FBXO8: variants seen among roughly 807,000 people sequenced by gnomAD.
FBXO8 encodes F-box only protein 8.
In FBXO8, 15 loss-of-function variants were observed where a neutral mutation model predicts 33.4. The observed-to-expected ratio is 0.45, with a 90% confidence interval of 0.30 to 0.69. The LOEUF (loss-of-function observed/expected upper bound fraction) is 0.69. Among genes scored for constraint, FBXO8 ranks in the 30% least tolerant of loss-of-function variants. FBXO8 has a pLI of 0.08. For synonymous variants in FBXO8, 132 were observed against 131.5 expected (o/e 1.00, Z -0.02); for missense variants, 274 against 380.3 (o/e 0.72, Z 2.32).
In FBXO8 at chr4:174,237,255, C is replaced by G. The variant is rs141434080; in HGVS notation, c.*157G>C. Reference sequence around the variant, plus strand: ...ATTATTTAGTTCCCCAAGGAAATTACTAAAATAGAAAATGGCAAAAGAAAA... The same window carrying G: ...ATTATTTAGTTCCCCAAGGAAATTAGTAAAATAGAAAATGGCAAAAGAAAA... On this transcript the variant is annotated 3_prime_UTR_variant, in exon 6 of 6. Coordinates refer to ENST00000393674, the MANE Select transcript of FBXO8 (RefSeq NM_012180.3). This position sits in a 1 kb window ranked among gnomAD's most constrained non-coding sequence, Gnocchi z 4.4. The G allele has an allele frequency of 7.2e-3, 4,201 of 580,326 alleles. 39 individuals carry two copies. Among genetic ancestry groups the G allele is most frequent in the Middle Eastern group, 0.045 (111 of 2,442 alleles). The allele number at this position is 580,326 out of a possible 1,614,324, so 35.9% of individuals were successfully genotyped here. A position where few individuals can be genotyped will look rare whatever the true frequency, so the allele number is the denominator to read the frequency against.
rs936269313 is a variant in FBXO8, at chr4:174,265,791, A to T, written c.-8-2691T>A. Among the ~76,000 whole-genome samples the T allele has an allele frequency of 6.6e-6, 1 of 152,208 alleles. No homozygotes were observed. Among genetic ancestry groups the T allele is most frequent in the Non-Finnish European group, 1.5e-5 (1 of 68,030 alleles). On this transcript the variant is annotated intron_variant, in intron 1 of 5. Transcript: ENST00000393674. The surrounding 1 kb of genome is among the most constrained non-coding windows in gnomAD (Gnocchi z 4.7). ...ACATTAAGTACAACTTAATTTTGAC[A>T]CAAATTGAACATTTTAAGTCTACTA...
At chr4:174,282,274 T>C (rs1737118170) in intron 1 of FBXO8, among the ~76,000 whole-genome samples, 1 of 152,204 alleles carries the variant, frequency 6.6e-6, no homozygotes. Flanking sequence ...AAGTAATTGA[T>C]CCAAGGGCCC....
chr4:174,237,668 A>G lies in FBXO8; in HGVS notation c.773-69T>C. The stretch of plus-strand genomic sequence containing the variant: ...AAATATGATTCCAATGGCATTATAT[A>G]AGGCAAAAATGTTCATAATTTCAAG... On this transcript the variant is annotated intron_variant, in intron 5 of 5. Coordinates refer to ENST00000393674, the MANE Select transcript of FBXO8 (RefSeq NM_012180.3). This position sits in a 1 kb window ranked among gnomAD's most constrained non-coding sequence, Gnocchi z 4.4. 3 of 1,278,242 alleles carry G rather than the reference A, an allele frequency of 2.3e-6. No individual in the cohort carries two copies. Among genetic ancestry groups the G allele is most frequent in the Non-Finnish European group, 3.2e-6 (3 of 926,268 alleles). 79.2% of individuals were successfully genotyped at this position (1,278,242 alleles called of 1,614,324 possible). A position where few individuals can be genotyped will look rare whatever the true frequency, so the allele number is the denominator to read the frequency against.
Position 174,256,915 on chromosome 4 carries a change from T to TAA in FBXO8, c.456+2782_456+2783dup, listed in dbSNP as rs796891512. Among the ~76,000 whole-genome samples the TAA allele has an allele frequency of 7.0e-6, 1 of 142,224 alleles. No individual in the cohort carries two copies. Among genetic ancestry groups the TAA allele is most frequent in the African/African-American group, 2.6e-5 (1 of 38,566 alleles). 93.3% of individuals were successfully genotyped at this position (142,224 alleles called of 152,430 possible). Reference sequence around the variant, plus strand: ...AGTATCTTTAAATCAGGCCAGGGAGTAAAAAAAAAAGAAAATACAGCCAAC... The same window carrying TAA: ...AGTATCTTTAAATCAGGCCAGGGAGTAAAAAAAAAAAAGAAAATACAGCCAAC... On this transcript the variant is annotated intron_variant, in intron 3 of 5. Transcript: ENST00000393674. The surrounding 1 kb of genome is among the most constrained non-coding windows in gnomAD (Gnocchi z 4.6).
chr4:174,282,516 G>A (rs1737135003), intron 1 of FBXO8, among the ~76,000 whole-genome samples: 1 of 152,238 alleles, frequency 6.6e-6, no homozygotes, highest in East Asian at 1.9e-4. Context: ...TAAAACTTAT[G>A]CATTCTTTAT....
rs75977331 is a variant in FBXO8 at position 174,248,580 on chromosome 4, G to C, written c.457-7362C>G. On this transcript the variant is annotated intron_variant, in intron 3 of 5. Coordinates refer to ENST00000393674, the MANE Select transcript of FBXO8 (RefSeq NM_012180.3). ...GCACACACTGTCCACACTGAAGTGG[G>C]AGAATTAACAGCTGTGAAGAGAGAG... is the stretch of plus-strand genomic sequence containing the variant. 1.7e-3 allele frequency among the ~76,000 whole-genome samples: 263 copies of C among 152,184 alleles called. 5 individuals carry two copies. In the East Asian group the frequency reaches 0.039, roughly 23 times the overall value.
At chr4:174,276,723 A>AT (rs1290010871) in intron 1 of FBXO8, among the ~76,000 whole-genome samples, 10 of 152,144 alleles carry the variant, frequency 6.6e-5, no homozygotes, top group Non-Finnish European at 1.3e-4. Flanking sequence ...TAAAACTGAA[A>AT]TCTCTAAAGT....
At chr4:174,268,880 A>T (rs1319868844) in intron 1 of FBXO8, among the ~76,000 whole-genome samples, 1 of 152,244 alleles carries the variant, frequency 6.6e-6, no homozygotes, top group Non-Finnish European at 1.5e-5. Flanking sequence ...GCGAATGTGC[A>T]CCTTGAACAA....
Position 174,241,289 on chromosome 4 carries a change from GCACAA to G in FBXO8, c.457-76_457-72del. The G allele has an allele frequency of 1.2e-6, 1 of 812,204 alleles. No homozygotes were observed. The highest frequency in any genetic ancestry group is 2.0e-6 in the Non-Finnish European group (1 of 495,012). 50.3% of individuals were successfully genotyped at this position (812,204 alleles called of 1,614,324 possible). ...TATGCATTTTAACAATTAAGCAATA[GCACAA>G]CAGTAGCTATAAATTCTTTCCAGCA... is the stretch of plus-strand genomic sequence containing the variant. On this transcript the variant is annotated intron_variant, in intron 3 of 5. Transcript: ENST00000393674. This position sits in a 1 kb window ranked among gnomAD's most constrained non-coding sequence, Gnocchi z 4.2.
rs1446816265 is a variant in FBXO8, at chr4:174,263,462, T to C, written c.-8-362A>G. Among the ~76,000 whole-genome samples, 3 of 152,190 alleles carry C rather than the reference T, an allele frequency of 2.0e-5. No homozygotes were observed. The highest frequency in any genetic ancestry group is 4.4e-5 in the Non-Finnish European group (3 of 68,020). On this transcript the variant is annotated intron_variant, in intron 1 of 5. Coordinates refer to ENST00000393674, the MANE Select transcript of FBXO8 (RefSeq NM_012180.3). The surrounding 1 kb of genome is among the most constrained non-coding windows in gnomAD (Gnocchi z 4.2). ...TATGGGCCAGTATTAAATACAGCTC[T>C]GATCAGAGCACGGACTTTAGTTAAA...
chr4:174,250,130 T>G (rs1736253107), intron 3 of FBXO8, among the ~76,000 whole-genome samples: 1 of 152,040 alleles, frequency 6.6e-6, no homozygotes. Flanking sequence ...ACAAGAACAC[T>G]GTTATAAGTA....
rs1736906886 is a variant in FBXO8, at chr4:174,274,427, G to A, written c.-9+8983C>T. On this transcript the variant is annotated intron_variant, in intron 1 of 5. Transcript: ENST00000393674. The surrounding 1 kb of genome is among the most constrained non-coding windows in gnomAD (Gnocchi z 4.0). ...CTCTTTAAATGATAACTATTATTTT[G>A]GTTCCTTCATTTCAAATACACCTGA... Among the ~76,000 whole-genome samples the A allele has an allele frequency of 6.6e-6, 1 of 152,078 alleles. No homozygotes were observed. Among genetic ancestry groups the A allele is most frequent in the South Asian group, 2.1e-4 (1 of 4,820 alleles).
At position 174,236,827 on chromosome 4, in the gene FBXO8, T is replaced by G. The variant is rs1045713361; in HGVS notation, c.*585A>C. 6.6e-6 allele frequency: 1 copy of G among 152,036 alleles called. No individual in the cohort carries two copies. The highest frequency in any genetic ancestry group is 1.5e-5 in the Non-Finnish European group (1 of 67,984). 9.4% of individuals were successfully genotyped at this position (152,036 alleles called of 1,614,324 possible). ...TATATTATAAAAATAACTGCCAGTT[T>G]TGCATAGTAATATAGTAACAAATCA... On this transcript the variant is annotated 3_prime_UTR_variant, in exon 6 of 6. Transcript: ENST00000393674.
In FBXO8 at chr4:174,271,789, T is replaced by G. The variant is rs528108889; in HGVS notation, c.-8-8689A>C. Reference sequence around the variant, plus strand: ...AGCATTAAAATGTGGCTGAAACACTTGCATAGCAATTACTTGATTTATTTT... The same window carrying G: ...AGCATTAAAATGTGGCTGAAACACTGGCATAGCAATTACTTGATTTATTTT... On this transcript the variant is annotated intron_variant, in intron 1 of 5. Coordinates refer to ENST00000393674, the MANE Select transcript of FBXO8 (RefSeq NM_012180.3). Among the ~76,000 whole-genome samples the G allele has an allele frequency of 5.8e-4, 89 of 152,346 alleles. No individual in the cohort carries two copies. In the South Asian group the frequency reaches 0.017, roughly 29 times the overall value.
At chr4:174,244,342 G>A (rs1440971489) in intron 3 of FBXO8, among the ~76,000 whole-genome samples, 1 of 151,638 alleles carries the variant, frequency 6.6e-6, no homozygotes, top group Non-Finnish European at 1.5e-5. Context: ...ACCACATAAG[G>A]AAGGGAATGC....
At chr4:174,260,032 A>G (rs1181967465) in intron 2 of FBXO8, among the ~76,000 whole-genome samples, 6 of 152,068 alleles carry the variant, frequency 3.9e-5, no homozygotes, top group Non-Finnish European at 7.4e-5. Context: ...ACAGCATCTA[A>G]TAAATGTGAG....
At position 174,237,800 on chromosome 4, in the gene FBXO8, G is replaced by A. The variant is rs928746793; in HGVS notation, c.773-201C>T. ...CTGTCATCCTGGGAAACTCAATCCT[G>A]AGCAAACCAGGATGGTTATCATCCT... On this transcript the variant is annotated intron_variant, in intron 5 of 5. Transcript: ENST00000393674. The surrounding 1 kb of genome is among the most constrained non-coding windows in gnomAD (Gnocchi z 4.4). 7.9e-5 allele frequency among the ~76,000 whole-genome samples: 12 copies of A among 151,992 alleles called. No individual in the cohort carries two copies. Among genetic ancestry groups the A allele is most frequent in the Non-Finnish European group, 7.4e-5 (5 of 67,946 alleles).
At position 174,254,177 on chromosome 4, in the gene FBXO8, A is replaced by G. The variant is rs146798361; in HGVS notation, c.456+5522T>C. 1.2e-4 allele frequency among the ~76,000 whole-genome samples: 18 copies of G among 152,326 alleles called. No homozygotes were observed. The East Asian group carries it at 3.1e-3, about 26-fold the overall frequency. ...CATAATGAAGGGTGCTGAGAACTCA[A>G]TTCTTCCTAGCTAGATCTTAGTTTA... On this transcript the variant is annotated intron_variant, in intron 3 of 5. Transcript: ENST00000393674. This position sits in a 1 kb window ranked among gnomAD's most constrained non-coding sequence, Gnocchi z 4.2.
chr4:174,242,867 T>A (rs569113544), intron 3 of FBXO8, among the ~76,000 whole-genome samples: 2 of 151,680 alleles, frequency 1.3e-5, no homozygotes, highest in African/African-American at 4.8e-5. Flanking sequence ...GATAACAATA[T>A]TTTAGAATTA....
Sources: gnomAD v4.1 joint callset for allele counts (sites outside exome capture counted in the v4.1 genomes callset) on GRCh38, gnomAD v4.1.1 for gene constraint, Gnocchi (gnomAD v3.1) non-coding constraint, MANE v1.5 for transcripts, NCBI Gene and HGNC (gene_info 2026-07-23, HGNC 2026-07-21) for gene names.